The following HHIP variants were observed in gnomAD, a reference collection of about 807,000 sequenced individuals.
HHIP encodes hedgehog interacting protein.
In HHIP, 12 loss-of-function variants were observed where a neutral mutation model predicts 74.0. That is an observed-to-expected ratio of 0.16 (90% CI 0.10 to 0.26). The LOEUF (loss-of-function observed/expected upper bound fraction) is 0.26. Ranked by LOEUF, HHIP falls within the 10% of genes least tolerant of loss-of-function variation. HHIP has a pLI of 1.00. For synonymous variants in HHIP, 309 were observed against 311.6 expected, an observed-to-expected ratio of 0.99 and a Z score of 0.09; for missense variants, 788 against 845.0, an observed-to-expected ratio of 0.93 and a Z score of 0.84.
chr4:144,670,764 G>GAAAAAAAAAAAAAA (rs1167213848), intron 4 of HHIP, among the ~76,000 whole-genome samples: 34 of 54,904 alleles, frequency 6.2e-4, no homozygotes, highest in Admixed American at 7.9e-4. Flanking sequence ...CTTAAGATTT[G>GAAAAAAAAAAAAAA]AAAAAAAAAA....
chr4:144,736,914 G>A (rs72948501), intron 12 of HHIP, among the ~76,000 whole-genome samples: 3,273 of 152,092 alleles, frequency 0.022, 127 homozygotes, highest in African/African-American at 0.075. Context: ...TTTGATTAAC[G>A]CATTTGAAAG....
At chr4:144,718,711 TGCACTGTAAAG>T (rs1171883690) in intron 10 of HHIP, among the ~76,000 whole-genome samples, 153 bp from the exon 11 acceptor site, 6 of 152,158 alleles carry the variant, frequency 3.9e-5, no homozygotes, top group African/African-American at 1.4e-4. Flanking sequence ...GAATTCTGGA[TGCACTGTAAAG>T]GCAGACATGT....
chr4:144,715,495 C>T (rs1578719646), intron 10 of HHIP, 65 bp downstream of exon 10: 3 of 1,481,790 alleles, frequency 2.0e-6, no homozygotes, highest in South Asian at 2.4e-5. Flanking sequence ...CTTTGTTCTG[C>T]CCTGAAGAAT....
At chr4:144,721,622 C>T (rs1007707584) in intron 11 of HHIP, among the ~76,000 whole-genome samples, 21 of 150,834 alleles carry the variant, frequency 1.4e-4, no homozygotes, top group Non-Finnish European at 2.8e-4. Context: ...ACTTCCAGGC[C>T]GGGCGTGGTG....
intron 4 of HHIP, among the ~76,000 whole-genome samples, chr4:144,677,721 C>G (rs778351601): frequency 2.6e-5 from 4 of 152,172 alleles, no homozygotes; most frequent in Non-Finnish European, 5.9e-5. Context: ...ATATTCAATC[C>G]TGCCTGACAT....
At chr4:144,657,937 G>A (rs1456808709) in intron 2 of HHIP, among the ~76,000 whole-genome samples, 2 of 152,186 alleles carry the variant, frequency 1.3e-5, no homozygotes, top group Non-Finnish European at 2.9e-5. Context: ...TCATTACACA[G>A]TGAGTCAGTT....
chr4:144,703,082 CAAGTGCCTGT>C (rs1730033592), intron 4 of HHIP, among the ~76,000 whole-genome samples: 2 of 152,044 alleles, frequency 1.3e-5, no homozygotes, highest in African/African-American at 4.8e-5. Context: ...GGGCATGGTG[CAAGTGCCTGT>C]AATCCCAAGT....
intron 4 of HHIP, among the ~76,000 whole-genome samples, chr4:144,676,888 C>T (rs1729184287): frequency 1.3e-5 from 2 of 152,206 alleles, no homozygotes; most frequent in African/African-American, 4.8e-5. Flanking sequence ...CTCCATCCTT[C>T]TGAGGATGAC....
chr4:144,685,430 T>G (rs1196743531), intron 4 of HHIP, among the ~76,000 whole-genome samples: 2 of 152,210 alleles, frequency 1.3e-5, no homozygotes, highest in African/African-American at 4.8e-5. Context: ...TATTAAATAG[T>G]TGTACATCAT....
chr4:144,646,558 C>T lies in HHIP; in HGVS notation c.-118C>T. On this transcript the variant is annotated 5_prime_UTR_variant, in exon 1 of 13. Coordinates refer to ENST00000296575, the MANE Select transcript of HHIP (RefSeq NM_022475.3). ...TTTTGTCCCCGCCACCTCCCTCTGTCTCTGGAGTGCCCTACAGCCCCGCAA... is the reference window on the plus strand; with the variant it reads ...TTTTGTCCCCGCCACCTCCCTCTGTTTCTGGAGTGCCCTACAGCCCCGCAA... The T allele has an allele frequency of 9.9e-7, 1 of 1,014,768 alleles. No homozygotes were observed. The highest frequency in any genetic ancestry group is 1.5e-6 in the Non-Finnish European group (1 of 684,544). 62.9% of individuals were successfully genotyped at this position (1,014,768 alleles called of 1,614,324 possible). A position where few individuals can be genotyped will look rare whatever the true frequency, so the allele number is the denominator to read the frequency against.
intron 4 of HHIP, among the ~76,000 whole-genome samples, chr4:144,688,186 A>G (rs918594496): frequency 6.6e-6 from 1 of 152,140 alleles, no homozygotes. Flanking sequence ...ACTAACACTA[A>G]GTCAAACACA....
intron 11 of HHIP, among the ~76,000 whole-genome samples, chr4:144,723,171 G>A (rs1730684829): frequency 6.6e-6 from 1 of 152,022 alleles, no homozygotes; most frequent in African/African-American, 2.4e-5. Context: ...ACCCACTCTT[G>A]CTATATTTTA....
intron 4 of HHIP, among the ~76,000 whole-genome samples, chr4:144,691,094 G>A (rs1307676386): frequency 6.6e-6 from 1 of 151,850 alleles, no homozygotes; most frequent in Non-Finnish European, 1.5e-5. Flanking sequence ...GTATATTGAG[G>A]GGCTCCCAGA....
chr4:144,671,930 G>T (rs139559529), intron 4 of HHIP, among the ~76,000 whole-genome samples: 4,799 of 152,236 alleles, frequency 0.032, 85 homozygotes, highest in South Asian at 0.041. Context: ...GTTGCAGTGA[G>T]CCGAGATCAT....
intron 11 of HHIP, among the ~76,000 whole-genome samples, chr4:144,721,104 T>A (rs918153501): frequency 7.9e-5 from 12 of 152,182 alleles, no homozygotes; most frequent in African/African-American, 2.4e-4. Context: ...TGTATTCTCA[T>A]ACCAAAACCC....
At chr4:144,683,232 G>C (rs954933705) in intron 4 of HHIP, among the ~76,000 whole-genome samples, 1 of 152,150 alleles carries the variant, frequency 6.6e-6, no homozygotes, top group Non-Finnish European at 1.5e-5. Flanking sequence ...GGATCAGATT[G>C]AACAGAAATA....
chr4:144,699,633 A>G (rs1300415295), intron 4 of HHIP, among the ~76,000 whole-genome samples: 2 of 152,190 alleles, frequency 1.3e-5, no homozygotes, highest in Admixed American at 1.3e-4. Context: ...GCTTAGTAGT[A>G]TAAAATCAGG....
chr4:144,698,572 A>G (rs778673350), intron 4 of HHIP, among the ~76,000 whole-genome samples: 34 of 152,206 alleles, frequency 2.2e-4, no homozygotes, highest in Admixed American at 6.5e-5. Flanking sequence ...GGACTGAAAC[A>G]GTGAGTAAAC....
chr4:144,658,326 C>T (rs1017309493), intron 2 of HHIP, among the ~76,000 whole-genome samples: 18 of 151,466 alleles, frequency 1.2e-4, no homozygotes, highest in Non-Finnish European at 2.4e-4. Flanking sequence ...TCCCAACCCC[C>T]GATATTTTTC....
Sources: allele counts gnomAD v4.1 joint callset (sites outside exome capture counted in the v4.1 genomes callset), GRCh38; gene constraint gnomAD v4.1.1; transcripts MANE v1.5; gene names NCBI Gene and HGNC (gene_info 2026-07-23, HGNC 2026-07-21).